PPP4R3B: variants seen among roughly 807,000 people sequenced by gnomAD.
PPP4R3B encodes protein phosphatase 4 regulatory subunit 3B.
A neutral mutation model predicts 95.4 loss-of-function variants in PPP4R3B; 52 were observed. The observed-to-expected ratio is 0.54, with a 90% confidence interval of 0.44 to 0.69. The LOEUF is 0.69. Ranked by LOEUF, PPP4R3B falls within the 30% of genes least tolerant of loss-of-function variation. The pLI, the probability that PPP4R3B is intolerant of heterozygous loss-of-function variation, is 0.00. For synonymous variants in PPP4R3B, 407 were observed against 343.9 expected (o/e 1.18, Z -2.03); for missense variants, 1,003 against 1,005.9 (o/e 1.00, Z 0.04).
chr2:55,611,132 G>A (rs1286117974), intron 2 of PPP4R3B, among the ~76,000 whole-genome samples: 1 of 152,184 alleles, frequency 6.6e-6, no homozygotes, highest in Non-Finnish European at 1.5e-5. Flanking sequence ...AAAGTGTTGA[G>A]ATTACAAGTG....
chr2:55,589,041 A>ATAC, intron 4 of PPP4R3B, 85 bp from the exon 5 acceptor site: 1 of 819,170 alleles, frequency 1.2e-6, no homozygotes, highest in Non-Finnish European at 1.9e-6. Context: ...ATTATAAAAA[A>ATAC]TAGTTGACAA....
intron 7 of PPP4R3B, among the ~76,000 whole-genome samples, 177 bp from the exon 8 acceptor site, chr2:55,581,875 A>C (rs554642912): frequency 1.8e-4 from 28 of 152,172 alleles, no homozygotes; most frequent in Non-Finnish European, 3.4e-4. Flanking sequence ...AATACTACAC[A>C]CTAGAGTGAA....
intron 2 of PPP4R3B, chr2:55,614,461 T>C (rs981074475): frequency 3.5e-4 from 54 of 152,148 alleles, no homozygotes; most frequent in African/African-American, 9.7e-4. Context: ...ATATTCAAAA[T>C]GAATGTGTGA....
intron 2 of PPP4R3B, among the ~76,000 whole-genome samples, chr2:55,609,167 T>A (rs989498479): frequency 2.0e-5 from 3 of 152,124 alleles, no homozygotes; most frequent in African/African-American, 7.2e-5. Context: ...AAATTCATAA[T>A]TCATCTGATT....
chr2:55,599,308 T>A (rs1692230702), intron 3 of PPP4R3B, among the ~76,000 whole-genome samples: 1 of 152,130 alleles, frequency 6.6e-6, no homozygotes, highest in East Asian at 1.9e-4. Context: ...TGTGGTGGCA[T>A]ACGCCTGTAA....
intron 16 of PPP4R3B, among the ~76,000 whole-genome samples, chr2:55,555,299 A>G (rs1172791419): frequency 5.7e-5 from 8 of 140,406 alleles, no homozygotes; most frequent in Non-Finnish European, 1.3e-4. Flanking sequence ...AAAAAAAAAG[A>G]AAGAAAGAAA....
intron 4 of PPP4R3B, among the ~76,000 whole-genome samples, chr2:55,595,142 G>C (rs1449146815): frequency 6.6e-6 from 1 of 151,182 alleles, no homozygotes. Context: ...TCCCACTTCA[G>C]CTTCCTGAGT....
rs768301108 is a variant in PPP4R3B at position 55,583,779 on chromosome 2, T to A, written c.1233+1272A>T. Among the ~76,000 whole-genome samples, 4 of 152,128 alleles carry A rather than the reference T, an allele frequency of 2.6e-5. No homozygotes were observed. In the East Asian group the frequency reaches 7.7e-4, roughly 29 times the overall value. On this transcript the variant is annotated intron_variant, in intron 7 of 16. Coordinates refer to ENST00000616407, the MANE Select transcript of PPP4R3B (RefSeq NM_001122964.3). ...AAATCACTTTAAAAAACATTGAAAA[T>A]AACTAACAAACATAGAAAGTATAAA... is the stretch of plus-strand genomic sequence containing the variant.
intron 5 of PPP4R3B, among the ~76,000 whole-genome samples, chr2:55,586,938 CA>C (rs1559005570): frequency 1.3e-5 from 2 of 152,204 alleles, no homozygotes; most frequent in South Asian, 4.1e-4. Context: ...TGCTATTAAG[CA>C]AAAAGAGAAA....
At chr2:55,576,291 T>A (rs577444057) in intron 11 of PPP4R3B, among the ~76,000 whole-genome samples, 1 of 151,990 alleles carries the variant, frequency 6.6e-6, no homozygotes, top group South Asian at 2.1e-4. Flanking sequence ...GAGGTTGCAG[T>A]GAGCCGAAAT....
At chr2:55,604,422 C>T (rs1168095424) in intron 2 of PPP4R3B, among the ~76,000 whole-genome samples, 5 of 152,154 alleles carry the variant, frequency 3.3e-5, no homozygotes, top group Admixed American at 6.5e-5. Flanking sequence ...AGAAAATCAG[C>T]TGTCCCATTC....
intron 13 of PPP4R3B, among the ~76,000 whole-genome samples, chr2:55,565,312 A>ATG (rs1558958505): frequency 1.1e-5 from 1 of 87,948 alleles, no homozygotes; most frequent in East Asian, 2.1e-4. Flanking sequence ...TATTTTTTGT[A>ATG]TATATATATA....
In PPP4R3B at chr2:55,549,973, C is replaced by A; in HGVS notation, c.2488G>T (p.Asp830Tyr). 6.2e-7 allele frequency: 1 copy of A among 1,613,310 alleles called. No individual in the cohort carries two copies. The highest frequency in any genetic ancestry group is 8.5e-7 in the Non-Finnish European group (1 of 1,179,804). The part of the protein sequence containing the change: ...SLVGLVDYPD[D>Y]EEEDEEEESS... ...TCTTCTTCTTCATCTTCCTCTTCATCATCTGGATAATCCACTAAGCCAACC... is the reference window on the plus strand; with the variant it reads ...TCTTCTTCTTCATCTTCCTCTTCATAATCTGGATAATCCACTAAGCCAACC... The change falls in exon 17 of 17, where the codon GAT becomes TAT. Residue 830 changes from aspartate to tyrosine, a missense_variant. Transcript: ENST00000616407.
At chr2:55,569,671 G>C (rs1687747648) in intron 12 of PPP4R3B, among the ~76,000 whole-genome samples, 1 of 152,148 alleles carries the variant, frequency 6.6e-6, no homozygotes, top group African/African-American at 2.4e-5. Flanking sequence ...AATGGAGATG[G>C]TTCACACTCC....
rs763739980 is a variant in PPP4R3B, at chr2:55,548,740, C to T, written c.*1171G>A. 6.6e-5 allele frequency: 10 copies of T among 152,474 alleles called. No homozygotes were observed. The highest frequency in any genetic ancestry group is 1.0e-4 in the Non-Finnish European group (7 of 68,000). 9.4% of individuals were successfully genotyped at this position (152,474 alleles called of 1,614,324 possible). On this transcript the variant is annotated 3_prime_UTR_variant, in exon 17 of 17. Coordinates refer to ENST00000616407, the MANE Select transcript of PPP4R3B (RefSeq NM_001122964.3). Reference sequence around the variant, plus strand: ...TATTTTGGGGAGATTTTTCTCACTTCGGCATGATCTCAGATCATAGATGAG... The same window carrying T: ...TATTTTGGGGAGATTTTTCTCACTTTGGCATGATCTCAGATCATAGATGAG...
In PPP4R3B at chr2:55,549,875, G is replaced by T; in HGVS notation, c.*36C>A. 1.4e-6 allele frequency: 2 copies of T among 1,469,446 alleles called. No individual in the cohort carries two copies. Among genetic ancestry groups the T allele is most frequent in the Middle Eastern group, 1.7e-4 (1 of 5,748 alleles). 91.0% of individuals were successfully genotyped at this position (1,469,446 alleles called of 1,614,324 possible). On this transcript the variant is annotated 3_prime_UTR_variant, in exon 17 of 17. Coordinates refer to ENST00000616407, the MANE Select transcript of PPP4R3B (RefSeq NM_001122964.3). ...CAGCTCACTGAACAGTTGCAGCATT[G>T]TAAGACCACATGTTGAGGGTCCCCT...
At chr2:55,564,791 A>G in intron 14 of PPP4R3B, 111 bp downstream of exon 14, 1 of 1,298,954 alleles carries the variant, frequency 7.7e-7, no homozygotes, top group Non-Finnish European at 1.1e-6. Flanking sequence ...ACTCTATGCT[A>G]TCCAGTGATG....
intron 4 of PPP4R3B, among the ~76,000 whole-genome samples, chr2:55,593,346 C>T (rs782612): frequency 0.93 from 142,012 of 152,204 alleles, 66,830 homozygotes; most frequent in African/African-American, 0.98. Flanking sequence ...GCTAAGTACT[C>T]TCATATAATT....
chr2:55,587,568 A>G (rs541533837), intron 5 of PPP4R3B, among the ~76,000 whole-genome samples: 3 of 152,356 alleles, frequency 2.0e-5, no homozygotes, highest in African/African-American at 7.2e-5. Flanking sequence ...TGGGCAACAG[A>G]GCAAGACTCT....
Sources: gnomAD v4.1 joint callset for allele counts (sites outside exome capture counted in the v4.1 genomes callset) on GRCh38, gnomAD v4.1.1 for gene constraint, MANE v1.5 for transcripts, NCBI Gene and HGNC (gene_info 2026-07-23, HGNC 2026-07-21) for gene names.